The following UBE2U variants were observed in gnomAD, a reference collection of about 807,000 sequenced individuals.
The protein encoded by UBE2U is ubiquitin conjugating enzyme E2 U.
A neutral mutation model predicts 41.2 loss-of-function variants in UBE2U; 39 were observed. The ratio of observed to expected loss-of-function variants is 0.95; its 90% CI spans 0.73 to 1.24. The LOEUF is 1.24. Ranked by LOEUF, UBE2U falls within the 50% of genes most tolerant of loss-of-function variation. The probability of loss-of-function intolerance (pLI) is 0.00; values close to 1 mark genes in which losing one functional copy is unlikely to be tolerated. For synonymous variants in UBE2U, 107 were observed against 117.8 expected, an observed-to-expected ratio of 0.91 and a Z score of 0.60; for missense variants, 336 against 363.1, an observed-to-expected ratio of 0.93 and a Z score of 0.61.
At chr1:64,234,164 A>AG in intron 7 of UBE2U, among the ~76,000 whole-genome samples, 1 of 152,352 alleles carries the variant, frequency 6.6e-6, no homozygotes, top group East Asian at 1.9e-4. Flanking sequence ...ATAACTGTGC[A>AG]GGGGACATCT....
chr1:64,205,609 T>C, intron 1 of UBE2U, 30 bp from the exon 2 acceptor site: 1 of 1,572,970 alleles, frequency 6.4e-7, no homozygotes, highest in South Asian at 1.2e-5. Context: ...AATAAGTTTT[T>C]TCTGATTTAA....
chr1:64,222,108 A>AAC (rs1182693344), intron 6 of UBE2U, among the ~76,000 whole-genome samples: 3 of 151,454 alleles, frequency 2.0e-5, no homozygotes, highest in Non-Finnish European at 4.4e-5. Context: ...AAAAAAAAAA[A>AAC]ACACAAAAAC....
intron 8 of UBE2U, among the ~76,000 whole-genome samples, chr1:64,256,511 A>G (rs1052091034): frequency 6.6e-6 from 1 of 152,180 alleles, no homozygotes; most frequent in African/African-American, 2.4e-5. Context: ...AAAAACAAGC[A>G]ATGGGGAAAG....
At chr1:64,214,580 G>A (rs1651863518) in intron 4 of UBE2U, among the ~76,000 whole-genome samples, 2 of 152,134 alleles carry the variant, frequency 1.3e-5, no homozygotes, top group South Asian at 4.1e-4. Flanking sequence ...GTTACAGAAA[G>A]GAACTTGTAA....
chr1:64,210,102 T>C (rs1651572907), intron 3 of UBE2U, among the ~76,000 whole-genome samples: 1 of 152,226 alleles, frequency 6.6e-6, no homozygotes, highest in Non-Finnish European at 1.5e-5. Context: ...GATCTATTAA[T>C]CTTGTCCTTT....
At chr1:64,257,442 C>A (rs553936978) in intron 8 of UBE2U, among the ~76,000 whole-genome samples, 1 of 152,026 alleles carries the variant, frequency 6.6e-6, no homozygotes, top group South Asian at 2.1e-4. Context: ...CAAAAAAGAA[C>A]GAGATCATGT....
chr1:64,220,838 T>G (rs1240358738), intron 5 of UBE2U, 21 bp from the exon 6 acceptor site: 2 of 1,592,684 alleles, frequency 1.3e-6, no homozygotes, highest in Admixed American at 3.5e-5. Flanking sequence ...ACCAGAATCC[T>G]TTCATATTTT....
intron 8 of UBE2U, among the ~76,000 whole-genome samples, chr1:64,258,216 C>G (rs1414563014): frequency 6.6e-6 from 1 of 152,114 alleles, no homozygotes; most frequent in Non-Finnish European, 1.5e-5. Flanking sequence ...ATATTATTAG[C>G]TCCTAAAATA....
At position 64,267,146 on chromosome 1, in the gene UBE2U, G is replaced by A; in HGVS notation, c.892G>A (p.Glu298Lys). ...YENDTDEPRE[E>K]EVEDLISWTN... ...AAATGACACAGATGAGCCCAGGGAA[G>A]AGGAAGTGGAAGATCTGATCTCCTG... Residue 298 changes from glutamate to lysine, a missense_variant, in exon 10 of 10, where the codon GAG becomes AAG. Physicochemically the swap from Glu to Lys is moderately conservative, Grantham distance 56. Transcript: ENST00000371077. 1 of 1,549,634 alleles carries A rather than the reference G, an allele frequency of 6.5e-7. No homozygotes were observed. The highest frequency in any genetic ancestry group is 8.7e-7 in the Non-Finnish European group (1 of 1,146,776).
At chr1:64,232,801 A>G in intron 7 of UBE2U, 152 bp downstream of exon 7, 1 of 461,742 alleles carries the variant, frequency 2.2e-6, no homozygotes, top group Non-Finnish European at 3.8e-6. Flanking sequence ...AACAACTATT[A>G]CTTTAGTTCT....
chr1:64,208,529 A>G (rs1402958337), intron 3 of UBE2U, among the ~76,000 whole-genome samples: 2 of 134,966 alleles, frequency 1.5e-5, no homozygotes, highest in African/African-American at 2.7e-5. Context: ...GCTTGAGCCC[A>G]GGAGGTCGAG....
chr1:64,239,148 A>AAGGAGAAGGAGAAGG (rs1557730742), intron 7 of UBE2U, among the ~76,000 whole-genome samples: 6 of 24,666 alleles, frequency 2.4e-4, no homozygotes, highest in African/African-American at 1.1e-3. Flanking sequence ...GAAGAAGAAG[A>AAGGAGAAGGAGAAGG]AGAAGAAGAA....
At chr1:64,231,974 C>T (rs541142198) in intron 6 of UBE2U, among the ~76,000 whole-genome samples, 1 of 152,292 alleles carries the variant, frequency 6.6e-6, no homozygotes, top group South Asian at 2.1e-4. Context: ...TCATTTAACA[C>T]CTTATAACAA....
intron 4 of UBE2U, among the ~76,000 whole-genome samples, chr1:64,213,938 T>A (rs1245371270): frequency 1.3e-5 from 2 of 152,194 alleles, no homozygotes; most frequent in Non-Finnish European, 2.9e-5. Context: ...ATGGTAAATA[T>A]TTGTGTATCT....
At chr1:64,251,634 A>T (rs558308008) in intron 8 of UBE2U, among the ~76,000 whole-genome samples, 18 of 152,206 alleles carry the variant, frequency 1.2e-4, no homozygotes, top group African/African-American at 4.3e-4. Context: ...CCCCACCCCA[A>T]GACAAGGGAG....
At chr1:64,215,193 T>C (rs1379428149) in intron 5 of UBE2U, among the ~76,000 whole-genome samples, 2 of 152,022 alleles carry the variant, frequency 1.3e-5, no homozygotes, top group African/African-American at 4.8e-5. Flanking sequence ...ATCATGCCAT[T>C]GCACTCTAGC....
intron 5 of UBE2U, among the ~76,000 whole-genome samples, chr1:64,220,400 T>C (rs908296499): frequency 6.6e-6 from 1 of 152,242 alleles, no homozygotes; most frequent in African/African-American, 2.4e-5. Context: ...TTGTTTCTAC[T>C]GTCCTCCAGT....
intron 6 of UBE2U, among the ~76,000 whole-genome samples, chr1:64,224,935 T>A (rs1311985973): frequency 6.8e-6 from 1 of 146,840 alleles, no homozygotes; most frequent in African/African-American, 2.5e-5. Context: ...TAGGATATTA[T>A]CACACACACA....
intron 6 of UBE2U, among the ~76,000 whole-genome samples, chr1:64,227,855 T>TA (rs1253294395): frequency 6.6e-6 from 1 of 152,012 alleles, no homozygotes; most frequent in Non-Finnish European, 1.5e-5. Flanking sequence ...CATCAAAATG[T>TA]AATGAAACAT....
Sources: gnomAD v4.1 joint callset for allele counts (sites outside exome capture counted in the v4.1 genomes callset) on GRCh38, gnomAD v4.1.1 for gene constraint, MANE v1.5 for transcripts, NCBI Gene and HGNC (gene_info 2026-07-23, HGNC 2026-07-21) for gene names.